The following MAGI1 variants were observed in gnomAD, a reference collection of about 807,000 sequenced individuals.
MAGI1 encodes the protein membrane associated guanylate kinase, WW and PDZ domain containing 1.
In MAGI1, 58 loss-of-function variants were observed where a neutral mutation model predicts 139.9. That is an observed-to-expected ratio of 0.41 (90% CI 0.34 to 0.52). The LOEUF is 0.52. Among genes scored for constraint, MAGI1 ranks in the 20% least tolerant of loss-of-function variants. MAGI1 has a pLI of 0.12. For missense variants in MAGI1, 1,874 were observed against 1,901.6 expected, an observed-to-expected ratio of 0.99 and a Z score of 0.27; for synonymous variants, 812 against 737.9, an observed-to-expected ratio of 1.10 and a Z score of -1.63.
chr3:65,593,509 T>C lies in MAGI1; in HGVS notation c.430+28463A>G, dbSNP rs528884337. Reference sequence around the variant, plus strand: ...ATGATTTTTTACTTCCAATAGAATATAGGATAAACTATCTGGTTGGTGGAA... The same window carrying C: ...ATGATTTTTTACTTCCAATAGAATACAGGATAAACTATCTGGTTGGTGGAA... On this transcript the variant is annotated intron_variant, in intron 2 of 22. Transcript: ENST00000402939. Among the ~76,000 whole-genome samples the C allele has an allele frequency of 9.2e-5, 14 of 152,040 alleles. No homozygotes were observed. In the East Asian group the frequency reaches 1.5e-3, roughly 17 times the overall value.
intron 18 of MAGI1, 108 bp downstream of exon 18, chr3:65,375,637 A>G (rs1295447120): frequency 4.3e-5 from 41 of 944,714 alleles, no homozygotes; most frequent in Admixed American, 2.2e-5. Context: ...AATTAATACT[A>G]TTCAGTTACA....
intron 1 of MAGI1, among the ~76,000 whole-genome samples, chr3:65,865,369 G>C (rs1377278733): frequency 6.6e-6 from 1 of 152,180 alleles, no homozygotes; most frequent in Non-Finnish European, 1.5e-5. Context: ...GGGAGGACGA[G>C]GCAATCGCTT....
chr3:65,658,287 A>G (rs1006735487), intron 1 of MAGI1, among the ~76,000 whole-genome samples: 2 of 152,188 alleles, frequency 1.3e-5, no homozygotes, highest in African/African-American at 4.8e-5. Context: ...TTGACTTTTA[A>G]TAAGGACGCG....
At chr3:65,761,022 T>A (rs55659828) in intron 1 of MAGI1, among the ~76,000 whole-genome samples, 3,002 of 152,256 alleles carry the variant, frequency 0.02, 94 homozygotes, top group African/African-American at 0.068. Context: ...ATAGGTACCC[T>A]GAAGACAGAA....
At chr3:65,950,090 C>CAAAAAAAAAAAAAAAA (rs1269489815) in intron 1 of MAGI1, among the ~76,000 whole-genome samples, 1 of 17,070 alleles carries the variant, frequency 5.9e-5, no homozygotes, top group African/African-American at 1.7e-4. Context: ...AAAAAAAAAA[C>CAAAAAAAAAAAAAAAA]AAACAAAAAA....
chr3:65,589,240 T>C (rs1454555634), intron 2 of MAGI1, among the ~76,000 whole-genome samples: 1 of 152,212 alleles, frequency 6.6e-6, no homozygotes, highest in East Asian at 1.9e-4. Context: ...TATATTTTTA[T>C]ATATTAACAA....
chr3:65,800,060 G>T (rs1386271272), intron 1 of MAGI1, among the ~76,000 whole-genome samples: 1 of 152,204 alleles, frequency 6.6e-6, no homozygotes, highest in Non-Finnish European at 1.5e-5. Flanking sequence ...TTTGCTGAAT[G>T]GCGTTGGGCA....
chr3:65,788,298 AAAT>A (rs2108051978), intron 1 of MAGI1, among the ~76,000 whole-genome samples: 1 of 152,348 alleles, frequency 6.6e-6, no homozygotes, highest in East Asian at 1.9e-4. Flanking sequence ...CCAATCTTAC[AAAT>A]AATAATTTTT....
At position 65,379,353 on chromosome 3, in the gene MAGI1, G is replaced by A; in HGVS notation, c.2903C>T (p.Pro968Leu). The A allele has an allele frequency of 6.2e-7, 1 of 1,613,270 alleles. No homozygotes were observed. The highest frequency in any genetic ancestry group is 8.5e-7 in the Non-Finnish European group (1 of 1,179,622). ...GSGVVSTVVQ[P>L]YDVEIRRGEN... ...CCCGCGCCGGATCTCCACGTCGTAG[G>A]GCTGCACCACGGTGCTGACCACGCC... Residue 968 changes from proline (P) to leucine (L), a missense_variant, in exon 17 of 23, where the codon CCC becomes CTC. Pro to Leu is a moderately conservative substitution (Grantham distance 98, BLOSUM62 -3). This residue lies in a region of MAGI1 where 482 missense variants were observed against 509.6 expected (regional missense o/e 0.95). Coordinates refer to ENST00000402939, the MANE Select transcript of MAGI1 (RefSeq NM_001033057.2).
chr3:65,984,712 C>CTT (rs1206138639), intron 1 of MAGI1, among the ~76,000 whole-genome samples: 3 of 26,116 alleles, frequency 1.1e-4, no homozygotes, highest in South Asian at 1.3e-3. Context: ...ATTTTTTTTT[C>CTT]TTTTTTTTTT....
chr3:65,441,516 G>A (rs1948326843), intron 8 of MAGI1, among the ~76,000 whole-genome samples: 1 of 152,152 alleles, frequency 6.6e-6, no homozygotes, highest in South Asian at 2.1e-4. Flanking sequence ...ATGGAGAAGT[G>A]TGTGGTAAGA....
At chr3:66,010,625 G>C (rs925597311) in intron 1 of MAGI1, among the ~76,000 whole-genome samples, 1 of 152,142 alleles carries the variant, frequency 6.6e-6, no homozygotes, top group Non-Finnish European at 1.5e-5. Flanking sequence ...GCTATATGGG[G>C]CTCTGATGTC....
At chr3:65,584,116 G>C (rs531872384) in intron 2 of MAGI1, among the ~76,000 whole-genome samples, 12 of 147,396 alleles carry the variant, frequency 8.1e-5, no homozygotes, top group African/African-American at 3.0e-4. Context: ...AGGCAAACTG[G>C]CTTAAAGTGA....
chr3:66,037,999 G>T lies in MAGI1; in HGVS notation c.310C>A (p.Gln104Lys). The change falls in exon 1 of 23, where the codon CAA becomes AAA. Residue 104 changes from glutamine (Q) to lysine (K), a missense_variant. Around this residue, in one of 5 missense-constraint regions of MAGI1, gnomAD observed 648 missense variants for 598.1 expected, o/e 1.08. Coordinates refer to ENST00000402939, the MANE Select transcript of MAGI1 (RefSeq NM_001033057.2). ...KEAVTFKAVRQGGRLNKDLRH... is the reference protein window; with the variant it reads ...KEAVTFKAVRKGGRLNKDLRH... Reference sequence around the variant, plus strand: ...CCAAAGGCGCGCCCTGCCTTACCTTGTCTGACGGCCTTGAAGGTGACGGCC... The same window carrying T: ...CCAAAGGCGCGCCCTGCCTTACCTTTTCTGACGGCCTTGAAGGTGACGGCC... The T allele has an allele frequency of 6.4e-7, 1 of 1,574,784 alleles. No individual in the cohort carries two copies. Among genetic ancestry groups the T allele is most frequent in the Non-Finnish European group, 8.6e-7 (1 of 1,158,602 alleles).
intron 2 of MAGI1, among the ~76,000 whole-genome samples, chr3:65,549,777 G>T (rs2079730511): frequency 6.6e-6 from 1 of 152,010 alleles, no homozygotes. Flanking sequence ...GGGTAGCCAG[G>T]GTAAGAGGGG....
intron 12 of MAGI1, among the ~76,000 whole-genome samples, chr3:65,404,539 C>A (rs1490388733): frequency 6.6e-6 from 1 of 152,084 alleles, no homozygotes; most frequent in African/African-American, 2.4e-5. Context: ...TTTAAATAGT[C>A]AAAATCAAGA....
chr3:65,776,778 CATTTGTGTG>C (rs72394286), intron 1 of MAGI1, among the ~76,000 whole-genome samples: 89,246 of 151,616 alleles, frequency 0.59, 26,816 homozygotes, highest in Admixed American at 0.66. Flanking sequence ...AGCTGAAAGA[CATTTGTGTG>C]ATTTGTGTGA....
Position 65,495,628 on chromosome 3 carries a change from T to C in MAGI1, c.431-1997A>G, listed in dbSNP as rs115582579. On this transcript the variant is annotated intron_variant, in intron 2 of 22. Transcript: ENST00000402939. ...AAACAAATATGTATATAAATAAATATAGCATATAATATCAGGAGGAAATCA... is the reference window on the plus strand; with the variant it reads ...AAACAAATATGTATATAAATAAATACAGCATATAATATCAGGAGGAAATCA... Among the ~76,000 whole-genome samples, 285 of 152,260 alleles carry C rather than the reference T, an allele frequency of 1.9e-3. 1 individual carries two copies. The highest frequency in any genetic ancestry group is 6.5e-3 in the African/African-American group (269 of 41,544).
intron 1 of MAGI1, among the ~76,000 whole-genome samples, chr3:65,635,760 A>T (rs1232218530): frequency 6.6e-6 from 1 of 152,146 alleles, no homozygotes; most frequent in African/African-American, 2.4e-5. Context: ...TCCCAGCCTC[A>T]CCCCAATTTA....
Sources: gnomAD v4.1 joint callset for allele counts (sites outside exome capture counted in the v4.1 genomes callset) on GRCh38, gnomAD v4.1.1 for gene constraint, gnomAD v4.1.1 regional missense constraint, MANE v1.5 for transcripts, NCBI Gene and HGNC (gene_info 2026-07-23, HGNC 2026-07-21) for gene names.